NEGR1: variants seen among roughly 807,000 people sequenced by gnomAD.
The protein encoded by NEGR1 is neuronal growth regulator 1.
Under a neutral mutation model 40.9 loss-of-function variants are expected in NEGR1, and 10 were observed. The ratio of observed to expected loss-of-function variants is 0.24; its 90% CI spans 0.15 to 0.42. NEGR1 has a LOEUF of 0.42. Ranked by LOEUF, NEGR1 falls within the 10% of genes least tolerant of loss-of-function variation. NEGR1 has a pLI of 1.00. For synonymous variants in NEGR1, 185 were observed against 166.8 expected, an observed-to-expected ratio of 1.11 and a Z score of -0.84; for missense variants, 352 against 438.9, an observed-to-expected ratio of 0.80 and a Z score of 1.77.
intron 1 of NEGR1, among the ~76,000 whole-genome samples, chr1:72,158,162 C>T (rs958553031): frequency 1.3e-5 from 2 of 152,142 alleles, no homozygotes; most frequent in African/African-American, 2.4e-5. Flanking sequence ...TTCTCTGCCA[C>T]TTGAGATAGT....
chr1:71,846,029 C>T (rs1659396391), intron 2 of NEGR1, among the ~76,000 whole-genome samples: 1 of 151,350 alleles, frequency 6.6e-6, no homozygotes, highest in Admixed American at 6.6e-5. Context: ...CTTCCAAAGC[C>T]CTAGGATTAC....
chr1:72,052,697 T>C (rs1647073642), intron 1 of NEGR1, among the ~76,000 whole-genome samples: 1 of 151,552 alleles, frequency 6.6e-6, no homozygotes, highest in African/African-American at 2.4e-5. Context: ...TGATTCTTGC[T>C]CTTTTTACTT....
chr1:71,670,910 A>T (rs1179835332), intron 4 of NEGR1, among the ~76,000 whole-genome samples: 1 of 151,416 alleles, frequency 6.6e-6, no homozygotes, highest in Non-Finnish European at 1.5e-5. Context: ...ACACACATAC[A>T]CACACACACA....
intron 3 of NEGR1, among the ~76,000 whole-genome samples, chr1:71,770,108 A>G (rs1025603620): frequency 6.6e-6 from 1 of 152,202 alleles, no homozygotes; most frequent in African/African-American, 2.4e-5. Flanking sequence ...TACACTTCAC[A>G]CTAGGAATTT....
At chr1:71,509,998 C>T (rs1451101224) in intron 6 of NEGR1, among the ~76,000 whole-genome samples, 3 of 152,140 alleles carry the variant, frequency 2.0e-5, no homozygotes, top group African/African-American at 7.2e-5. Context: ...AATACTGCCC[C>T]AGATGGGACC....
intron 4 of NEGR1, among the ~76,000 whole-genome samples, chr1:71,632,241 A>G (rs1318712861): frequency 1.3e-5 from 2 of 151,610 alleles, no homozygotes; most frequent in Admixed American, 6.6e-5. Flanking sequence ...ATATGCAATT[A>G]TGTATGCACG....
chr1:71,411,871 C>G (rs531940709), intron 6 of NEGR1, among the ~76,000 whole-genome samples: 4 of 152,160 alleles, frequency 2.6e-5, no homozygotes, highest in African/African-American at 9.6e-5. Context: ...CATGGTGTCA[C>G]ACGCTTGTAG....
At chr1:71,809,213 C>T (rs543652826) in intron 2 of NEGR1, among the ~76,000 whole-genome samples, 3 of 151,992 alleles carry the variant, frequency 2.0e-5, no homozygotes, top group South Asian at 4.2e-4. Flanking sequence ...AGTGGTGCTT[C>T]CCTGAGTTTT....
intron 1 of NEGR1, among the ~76,000 whole-genome samples, chr1:72,162,141 A>C (rs1216942236): frequency 6.6e-6 from 1 of 152,026 alleles, no homozygotes; most frequent in Admixed American, 6.6e-5. Flanking sequence ...AATTAAGTGC[A>C]CAAGAAAATG....
At chr1:72,228,628 G>C (rs932613243) in intron 1 of NEGR1, among the ~76,000 whole-genome samples, 1 of 152,034 alleles carries the variant, frequency 6.6e-6, no homozygotes. Context: ...CTTTTATTAT[G>C]ACCTAAGTAA....
chr1:71,669,196 A>G (rs1231457327), intron 4 of NEGR1, among the ~76,000 whole-genome samples: 1 of 152,114 alleles, frequency 6.6e-6, no homozygotes, highest in Non-Finnish European at 1.5e-5. Flanking sequence ...GTAAAATTAT[A>G]CCAACATTTA....
intron 1 of NEGR1, among the ~76,000 whole-genome samples, chr1:72,108,641 T>A (rs1279380383): frequency 6.6e-6 from 1 of 151,572 alleles, no homozygotes; most frequent in Admixed American, 6.6e-5. Flanking sequence ...AATTCATGAA[T>A]ATATAAAGAA....
At chr1:72,220,761 A>G (rs1319489465) in intron 1 of NEGR1, among the ~76,000 whole-genome samples, 1 of 152,054 alleles carries the variant, frequency 6.6e-6, no homozygotes, top group Non-Finnish European at 1.5e-5. Flanking sequence ...ATGAACTACT[A>G]TTTAAACTGT....
At chr1:71,413,491 T>G (rs1646336919) in intron 6 of NEGR1, among the ~76,000 whole-genome samples, 2 of 152,238 alleles carry the variant, frequency 1.3e-5, no homozygotes, top group African/African-American at 4.8e-5. Flanking sequence ...ATTAATTCTC[T>G]ATATTTTCTT....
At chr1:71,652,918 T>C (rs1262945357) in intron 4 of NEGR1, among the ~76,000 whole-genome samples, 2 of 152,118 alleles carry the variant, frequency 1.3e-5, no homozygotes, top group East Asian at 1.9e-4. Context: ...GGTTCTTTTT[T>C]ATGGTCTTAT....
intron 1 of NEGR1, among the ~76,000 whole-genome samples, chr1:71,968,618 A>G (rs1646230606): frequency 6.6e-6 from 1 of 152,206 alleles, no homozygotes; most frequent in Non-Finnish European, 1.5e-5. Context: ...CATATTTTGT[A>G]TAGAAAAGGT....
intron 2 of NEGR1, among the ~76,000 whole-genome samples, chr1:71,840,591 T>C (rs571149991): frequency 2.6e-5 from 4 of 152,262 alleles, no homozygotes; most frequent in South Asian, 2.1e-4. Flanking sequence ...GACTTCACTC[T>C]ACTATATAAA....
At chr1:71,577,792 G>A (rs1276955544) in intron 6 of NEGR1, among the ~76,000 whole-genome samples, 1 of 152,124 alleles carries the variant, frequency 6.6e-6, no homozygotes, top group Non-Finnish European at 1.5e-5. Flanking sequence ...ACTGTTAAAA[G>A]CTAGGCCTAT....
intron 4 of NEGR1, among the ~76,000 whole-genome samples, chr1:71,690,386 C>T (rs1164748555): frequency 6.6e-6 from 1 of 151,606 alleles, no homozygotes; most frequent in African/African-American, 2.4e-5. Flanking sequence ...GATAAATACA[C>T]GTTATAAACT....
Sources: gnomAD v4.1 joint callset for allele counts (sites outside exome capture counted in the v4.1 genomes callset) on GRCh38, gnomAD v4.1.1 for gene constraint, MANE v1.5 for transcripts, NCBI Gene and HGNC (gene_info 2026-07-23, HGNC 2026-07-21) for gene names.